Variants in ROBO1 observed in about 807,000 individuals in gnomAD.
ROBO1 encodes the protein roundabout guidance receptor 1.
A neutral mutation model predicts 195.9 loss-of-function variants in ROBO1; 149 were observed. That is an observed-to-expected ratio of 0.76 (90% CI 0.67 to 0.87). ROBO1 has a LOEUF of 0.87. Ranked by LOEUF, ROBO1 falls within the 40% of genes least tolerant of loss-of-function variation. The probability of loss-of-function intolerance (pLI) is 0.00; values close to 1 mark genes in which losing one functional copy is unlikely to be tolerated. For synonymous variants in ROBO1, 816 were observed against 733.2 expected (o/e 1.11, Z -1.82); for missense variants, 1,933 against 2,068.3 (o/e 0.93, Z 1.27).
At chr3:79,287,560 T>C (rs2031963205) in intron 2 of ROBO1, among the ~76,000 whole-genome samples, 1 of 152,186 alleles carries the variant, frequency 6.6e-6, no homozygotes, top group Non-Finnish European at 1.5e-5. Context: ...AGAAACACAA[T>C]GACTAGTTAT....
intron 1 of ROBO1, among the ~76,000 whole-genome samples, chr3:79,662,069 T>C (rs1215498204): frequency 6.6e-6 from 1 of 151,992 alleles, no homozygotes; most frequent in Non-Finnish European, 1.5e-5. Context: ...TTGGAATGAG[T>C]CACTCATCCT....
intron 2 of ROBO1, among the ~76,000 whole-genome samples, chr3:79,532,765 C>T (rs536588877): frequency 2.0e-5 from 3 of 152,152 alleles, no homozygotes; most frequent in South Asian, 2.1e-4. Context: ...AGAGATAGAG[C>T]GAGGGAAGCA....
intron 1 of ROBO1, among the ~76,000 whole-genome samples, chr3:79,697,197 G>A (rs1051440708): frequency 2.6e-5 from 4 of 151,264 alleles, no homozygotes; most frequent in Admixed American, 6.6e-5. Context: ...AATTAAGAAT[G>A]GTTCTAAATT....
intron 5 of ROBO1, 78 bp downstream of exon 5, chr3:78,746,665 A>G: frequency 8.1e-7 from 1 of 1,233,396 alleles, no homozygotes; most frequent in Non-Finnish European, 1.1e-6. Context: ...AATCTACTTC[A>G]TTTTTCTCTT....
At chr3:79,509,974 AACTTCTGAGATATGAACTACTATAATC>A (rs1343837727) in intron 2 of ROBO1, among the ~76,000 whole-genome samples, 1 of 152,110 alleles carries the variant, frequency 6.6e-6, no homozygotes, top group Non-Finnish European at 1.5e-5. Context: ...CATCACATGC[AACTTCTGAGATATGAACTACTATAATC>A]ACAAAAAAAA....
chr3:79,339,888 C>T (rs370235035), intron 2 of ROBO1, among the ~76,000 whole-genome samples: 21 of 152,278 alleles, frequency 1.4e-4, no homozygotes, highest in African/African-American at 4.3e-4. Context: ...GTGCCTTTAC[C>T]GCTCCAGTTT....
intron 3 of ROBO1, among the ~76,000 whole-genome samples, chr3:79,093,177 G>A (rs1173278991): frequency 2.6e-5 from 4 of 152,074 alleles, no homozygotes; most frequent in African/African-American, 9.7e-5. Context: ...ATGCTTAAAT[G>A]TAAGAATATG....
intron 2 of ROBO1, among the ~76,000 whole-genome samples, chr3:79,473,503 G>A (rs769255463): frequency 1.3e-5 from 2 of 151,972 alleles, no homozygotes; most frequent in Non-Finnish European, 2.9e-5. Flanking sequence ...TCACCATCTC[G>A]AAAACTCGGA....
At chr3:78,693,291 A>G in intron 8 of ROBO1, 6 of 1,548,270 alleles carry the variant, frequency 3.9e-6, no homozygotes, top group Non-Finnish European at 5.2e-6. Context: ...AGGGGAAGAG[A>G]AGTTCCAGTC....
intron 1 of ROBO1, among the ~76,000 whole-genome samples, chr3:79,707,648 A>G (rs1947814886): frequency 6.6e-6 from 1 of 152,098 alleles, no homozygotes; most frequent in Non-Finnish European, 1.5e-5. Context: ...AGCTGGGACT[A>G]CAGGCACATG....
At chr3:79,433,717 G>A (rs1424790856) in intron 2 of ROBO1, among the ~76,000 whole-genome samples, 1 of 152,084 alleles carries the variant, frequency 6.6e-6, no homozygotes, top group Non-Finnish European at 1.5e-5. Flanking sequence ...AGTTCATGTG[G>A]ATCCAAAAAA....
At chr3:78,986,780 G>GA (rs1314062158) in intron 3 of ROBO1, among the ~76,000 whole-genome samples, 6 of 151,904 alleles carry the variant, frequency 3.9e-5, no homozygotes, top group East Asian at 1.9e-4. Context: ...TGGGGTTGAC[G>GA]GGGGAAAAAA....
At chr3:79,112,750 C>A (rs1455801040) in intron 3 of ROBO1, among the ~76,000 whole-genome samples, 6 of 141,278 alleles carry the variant, frequency 4.2e-5, no homozygotes, top group Non-Finnish European at 9.1e-5. Flanking sequence ...CACACCCACA[C>A]TGGGGCCTGT....
chr3:79,738,727 A>G (rs912762197), intron 1 of ROBO1, among the ~76,000 whole-genome samples: 1 of 152,234 alleles, frequency 6.6e-6, no homozygotes, highest in African/African-American at 2.4e-5. Flanking sequence ...ATAAGAAAAT[A>G]CTAAGGCTAC....
chr3:78,782,091 A>G (rs956932379), intron 4 of ROBO1, among the ~76,000 whole-genome samples: 55 of 152,214 alleles, frequency 3.6e-4, no homozygotes, highest in Admixed American at 2.0e-4. Flanking sequence ...GAAACTAAAT[A>G]TGAACCTGTC....
At chr3:79,270,919 C>T (rs553745064) in intron 2 of ROBO1, among the ~76,000 whole-genome samples, 3 of 151,914 alleles carry the variant, frequency 2.0e-5, no homozygotes, top group South Asian at 4.1e-4. Context: ...AATTTACTAT[C>T]AGAAATAATA....
At chr3:78,972,827 A>G (rs2076797909) in intron 3 of ROBO1, among the ~76,000 whole-genome samples, 1 of 152,206 alleles carries the variant, frequency 6.6e-6, no homozygotes, top group South Asian at 2.1e-4. Flanking sequence ...TACTGGTACC[A>G]GAATACACAG....
intron 5 of ROBO1, among the ~76,000 whole-genome samples, chr3:78,742,351 T>A (rs977477338): frequency 6.6e-6 from 1 of 152,032 alleles, no homozygotes; most frequent in Non-Finnish European, 1.5e-5. Context: ...TCACGTACAA[T>A]GACTAATAAC....
intron 3 of ROBO1, among the ~76,000 whole-genome samples, chr3:79,042,545 A>G (rs1447089777): frequency 3.3e-5 from 5 of 152,148 alleles, no homozygotes; most frequent in Admixed American, 6.6e-5. Flanking sequence ...AAAAAAAGTT[A>G]AATATTATAA....
Sources: gnomAD v4.1 joint callset for allele counts (sites outside exome capture counted in the v4.1 genomes callset) on GRCh38, gnomAD v4.1.1 for gene constraint, MANE v1.5 for transcripts, NCBI Gene and HGNC (gene_info 2026-07-23, HGNC 2026-07-21) for gene names.